HERC2: variants seen among roughly 807,000 people sequenced by gnomAD.
HERC2 encodes the protein E3 ubiquitin-protein ligase HERC2.
HERC2 carries 102 observed loss-of-function variants against 537.7 expected under a neutral mutation model. The ratio of observed to expected loss-of-function variants is 0.19; its 90% confidence interval spans 0.16 to 0.22. The LOEUF (loss-of-function observed/expected upper bound fraction) is 0.22, where lower values mean the gene tolerates loss of function less well. Ranked by LOEUF, HERC2 falls within the 10% of genes least tolerant of loss-of-function variation. HERC2 has a pLI of 1.00. For missense variants in HERC2, 4,236 were observed against 6,198.2 expected (o/e 0.68, Z 10.63); for synonymous variants, 2,224 against 2,466.2 (o/e 0.90, Z 2.91).
chr15:28,219,924 A>G (rs1234081485), intron 37 of HERC2, among the ~76,000 whole-genome samples: 8 of 152,182 alleles, frequency 5.3e-5, no homozygotes, highest in Non-Finnish European at 7.3e-5. Context: ...GTCCACCCCT[A>G]AATTCTCACC....
At chr15:28,197,814 C>T (rs572705132) in intron 50 of HERC2, among the ~76,000 whole-genome samples, 31 of 152,268 alleles carry the variant, frequency 2.0e-4, no homozygotes, top group Non-Finnish European at 4.0e-4. Context: ...GAATAACTGA[C>T]AGGACAAGTT....
Position 28,152,657 on chromosome 15 carries a change from G to T in HERC2, c.10900+20C>A, listed in dbSNP as rs546931171. The T allele has an allele frequency of 1.2e-5, 18 of 1,524,288 alleles. No individual in the cohort carries two copies. Among genetic ancestry groups the T allele is most frequent in the Non-Finnish European group, 1.6e-5 (18 of 1,129,240 alleles). The allele number at this position is 1,524,288 out of a possible 1,614,324, so 94.4% of individuals were successfully genotyped here. On this transcript the variant is annotated intron_variant, in intron 70 of 92. Transcript: ENST00000261609. ...AAGGTGGGAAAGGCTGCAGCTCCCC[G>T]CTGGGGCCAGCCCCTGTACCTGGTA...
intron 68 of HERC2, among the ~76,000 whole-genome samples, chr15:28,165,609 T>C (rs1364825315): frequency 3.4e-5 from 5 of 148,946 alleles, no homozygotes; most frequent in African/African-American, 1.2e-4. Context: ...CTGGGCAACA[T>C]GGCAAAACCT....
chr15:28,167,635 G>A (rs1312707147), intron 68 of HERC2, 52 bp downstream of exon 68: 12 of 1,598,298 alleles, frequency 7.5e-6, no homozygotes, highest in South Asian at 1.1e-5. Flanking sequence ...CTACTTCTGT[G>A]TACATTTAAG....
chr15:28,310,948 G>A (rs1301760257), intron 2 of HERC2, among the ~76,000 whole-genome samples: 6 of 151,848 alleles, frequency 4.0e-5, no homozygotes, highest in African/African-American at 7.3e-5. Flanking sequence ...GAGGTGGCAC[G>A]CACCTATAGT....
At position 28,141,613 on chromosome 15, in the gene HERC2, G is replaced by T. The variant is rs1268524670; in HGVS notation, c.11834C>A (p.Thr3945Asn). ...QWMNRRPDDW[T>N]LSAGGSGTIY... ...TGTTCCACTGCCACCAGCAGAGAGA[G>T]TCCAGTCATCTGGTCGCCTACAATA... is the stretch of plus-strand genomic sequence containing the variant. The change falls in exon 78 of 93, where the codon ACT becomes AAT. Residue 3945 changes from threonine to asparagine, a missense_variant. Coordinates refer to ENST00000261609, the MANE Select transcript of HERC2 (RefSeq NM_004667.6). The T allele has an allele frequency of 2.5e-6, 4 of 1,614,084 alleles. No individual in the cohort carries two copies. Among genetic ancestry groups the T allele is most frequent in the Non-Finnish European group, 3.4e-6 (4 of 1,180,054 alleles).
chr15:28,319,703 T>C (rs1390418932), intron 2 of HERC2, among the ~76,000 whole-genome samples: 1 of 151,512 alleles, frequency 6.6e-6, no homozygotes, highest in East Asian at 1.9e-4. Context: ...ATATAAATGG[T>C]GCTTCACTGT....
rs188102340 is a variant in HERC2, at chr15:28,179,616, T to G, written c.8938-393A>C. Among the ~76,000 whole-genome samples the G allele has an allele frequency of 3.3e-3, 510 of 152,336 alleles. 3 individuals are homozygous for G. The highest frequency in any genetic ancestry group is 0.012 in the African/African-American group (484 of 41,578). On this transcript the variant is annotated intron_variant, in intron 57 of 92. Coordinates refer to ENST00000261609, the MANE Select transcript of HERC2 (RefSeq NM_004667.6). ...TTCTTTTAGAGTGTATTCCTTCTAC[T>G]TTTTTGTTTTTTAAGCTAACTGTAA...
At position 28,130,317 on chromosome 15, in the gene HERC2, A is replaced by C; in HGVS notation, c.12663-15T>G. 6.2e-7 allele frequency: 1 copy of C among 1,614,112 alleles called. No individual in the cohort carries two copies. The highest frequency in any genetic ancestry group is 8.5e-7 in the Non-Finnish European group (1 of 1,179,970). On this transcript the variant is annotated splice_polypyrimidine_tract_variant and intron_variant, in intron 82 of 92. Transcript: ENST00000261609. ...CGCCTTTGCCCCTGCACACAAAGGAAGCATGGAAATTATGGGGCAAGGTGA... is the reference window on the plus strand; with the variant it reads ...CGCCTTTGCCCCTGCACACAAAGGACGCATGGAAATTATGGGGCAAGGTGA...
intron 85 of HERC2, among the ~76,000 whole-genome samples, 167 bp from the exon 86 acceptor site, chr15:28,121,596 C>T (rs945718604): frequency 1.3e-5 from 2 of 152,192 alleles, no homozygotes; most frequent in East Asian, 3.9e-4. Context: ...AACAGGCTGG[C>T]CCCGAAGCAC....
chr15:28,204,869 A>T (rs1437835516), intron 45 of HERC2, among the ~76,000 whole-genome samples: 3 of 152,240 alleles, frequency 2.0e-5, no homozygotes, highest in African/African-American at 7.2e-5. Context: ...AAGGAAACTC[A>T]CTAACAGTGT....
At chr15:28,204,392 A>C (rs1482198821) in intron 45 of HERC2, among the ~76,000 whole-genome samples, 5 of 152,104 alleles carry the variant, frequency 3.3e-5, no homozygotes, top group South Asian at 2.1e-4. Context: ...GAGCCCGAGG[A>C]GGGCGGATCA....
At position 28,122,524 on chromosome 15, in the gene HERC2, T is replaced by C. The variant is rs577562277; in HGVS notation, c.13189-1095A>G. 3.3e-5 allele frequency among the ~76,000 whole-genome samples: 5 copies of C among 152,136 alleles called. No individual in the cohort carries two copies. The South Asian group carries it at 1.0e-3, about 32-fold the overall frequency. On this transcript the variant is annotated intron_variant, in intron 85 of 92. Transcript: ENST00000261609. The surrounding 1 kb of genome is among the most constrained non-coding windows in gnomAD (Gnocchi z 4.1). ...CCTGGCGGCACCCCAGCCCCATGCC[T>C]CTCGCACAGCCCAGACTCATCCTGC...
At chr15:28,278,425 A>G (rs567064373) in intron 5 of HERC2, among the ~76,000 whole-genome samples, 3 of 152,230 alleles carry the variant, frequency 2.0e-5, no homozygotes, top group African/African-American at 7.2e-5. Flanking sequence ...AACACCCAAT[A>G]CAAGGTAAAT....
At chr15:28,273,451 A>C (rs531931799) in intron 7 of HERC2, among the ~76,000 whole-genome samples, 1 of 152,354 alleles carries the variant, frequency 6.6e-6, no homozygotes, top group East Asian at 1.9e-4. Flanking sequence ...TGATCAATGA[A>C]ATATTTTTAA....
At chr15:28,120,275 C>CTG (rs1263750233) in intron 86 of HERC2, among the ~76,000 whole-genome samples, 1 of 152,242 alleles carries the variant, frequency 6.6e-6, no homozygotes, top group Non-Finnish European at 1.5e-5. Flanking sequence ...GTCACATGAG[C>CTG]TGTCCAACAA....
At chr15:28,251,079 G>A (rs1240470345) in intron 20 of HERC2, among the ~76,000 whole-genome samples, 5 of 152,134 alleles carry the variant, frequency 3.3e-5, no homozygotes, top group Admixed American at 6.5e-5. Flanking sequence ...CAACCTGTGT[G>A]GACAGCACAG....
intron 2 of HERC2, among the ~76,000 whole-genome samples, chr15:28,310,870 G>T (rs2076922807): frequency 6.6e-6 from 1 of 151,988 alleles, no homozygotes; most frequent in South Asian, 2.1e-4. Flanking sequence ...GAAGTCAGGA[G>T]ATAAAGACCA....
intron 65 of HERC2, among the ~76,000 whole-genome samples, chr15:28,170,495 C>A (rs1219746184): frequency 1.3e-5 from 2 of 152,174 alleles, no homozygotes; most frequent in African/African-American, 4.8e-5. Context: ...TAAGTCTACA[C>A]CTTATGCAAA....
Sources: allele counts gnomAD v4.1 joint callset (sites outside exome capture counted in the v4.1 genomes callset), GRCh38; gene constraint gnomAD v4.1.1; non-coding constraint Gnocchi (gnomAD v3.1); transcripts MANE v1.5; gene names NCBI Gene and HGNC (gene_info 2026-07-23, HGNC 2026-07-21).